The following SMYD3 variants were observed in gnomAD, a reference collection of about 807,000 sequenced individuals.
SMYD3 encodes the protein SET and MYND domain containing 3, also known as histone-lysine N-methyltransferase SMYD3.
SMYD3 carries 36 observed loss-of-function variants against 57.7 expected under a neutral mutation model. The observed-to-expected ratio is 0.62, with a 90% confidence interval of 0.48 to 0.82. SMYD3 has a LOEUF of 0.82. Ranked by LOEUF, SMYD3 falls within the 40% of genes least tolerant of loss-of-function variation. The pLI, the probability that SMYD3 is intolerant of heterozygous loss-of-function variation, is 0.00. For synonymous variants in SMYD3, 211 were observed against 195.0 expected (o/e 1.08, Z -0.68); for missense variants, 515 against 538.8 (o/e 0.96, Z 0.44).
intron 7 of SMYD3, among the ~76,000 whole-genome samples, chr1:245,921,591 T>C (rs1454130989): frequency 3.0e-5 from 4 of 134,134 alleles, no homozygotes; most frequent in Non-Finnish European, 6.4e-5. Flanking sequence ...TGGAATAGTA[T>C]GCAGCCATAA....
At chr1:246,378,847 A>ATATATT (rs538388805) in intron 1 of SMYD3, among the ~76,000 whole-genome samples, 4,719 of 116,502 alleles carry the variant, frequency 0.041, 163 homozygotes, top group Non-Finnish European at 0.063. Flanking sequence ...ATTATATATA[A>ATATATT]TATATTTATA....
At chr1:246,351,742 C>T (rs2065827768) in intron 2 of SMYD3, among the ~76,000 whole-genome samples, 1 of 152,038 alleles carries the variant, frequency 6.6e-6, no homozygotes, top group African/African-American at 2.4e-5. Context: ...GAAGTAGAAG[C>T]GGGGGAAGGA....
intron 10 of SMYD3, among the ~76,000 whole-genome samples, chr1:245,826,049 T>C (rs1267524216): frequency 1.4e-5 from 1 of 72,406 alleles, no homozygotes; most frequent in East Asian, 3.6e-4. Context: ...ATTTGTTAAA[T>C]AAAAATGGAA....
At chr1:246,387,211 A>T (rs570764908) in intron 1 of SMYD3, among the ~76,000 whole-genome samples, 1 of 152,352 alleles carries the variant, frequency 6.6e-6, no homozygotes, top group Admixed American at 6.5e-5. Context: ...GGTATACGGT[A>T]TGAGCTTTAG....
At chr1:245,848,832 T>C (rs1381359697) in intron 10 of SMYD3, among the ~76,000 whole-genome samples, 1 of 152,144 alleles carries the variant, frequency 6.6e-6, no homozygotes, top group East Asian at 1.9e-4. Flanking sequence ...GAAACAGGTA[T>C]CCTTGCTGCA....
chr1:246,371,232 C>T (rs1020487736), intron 1 of SMYD3, among the ~76,000 whole-genome samples: 2 of 152,108 alleles, frequency 1.3e-5, no homozygotes, highest in African/African-American at 2.4e-5. Flanking sequence ...GTAAGTCACT[C>T]GGACAGCTAA....
At chr1:246,353,891 T>C (rs2065871146) in intron 2 of SMYD3, among the ~76,000 whole-genome samples, 1 of 152,210 alleles carries the variant, frequency 6.6e-6, no homozygotes, top group Non-Finnish European at 1.5e-5. Context: ...ACAGTGTGTG[T>C]TTTCCCTGAG....
In SMYD3 at chr1:246,196,048, C is replaced by A. The variant is rs575108579; in HGVS notation, c.531+131153G>T. 2.8e-3 allele frequency among the ~76,000 whole-genome samples: 425 copies of A among 152,114 alleles called. 1 individual carries two copies. The highest frequency in any genetic ancestry group is 8.9e-3 in the African/African-American group (371 of 41,482). On this transcript the variant is annotated intron_variant, in intron 5 of 11. Transcript: ENST00000490107. ...TGTCACTTCTTTATTTAAAAAAAAA[C>A]CTCCCTTTGCAGAAATATCACTGAG...
At chr1:246,269,318 T>A (rs1184645567) in intron 5 of SMYD3, among the ~76,000 whole-genome samples, 2 of 152,190 alleles carry the variant, frequency 1.3e-5, no homozygotes, top group Non-Finnish European at 2.9e-5. Context: ...AAGTTATCAC[T>A]TTATAAGAAT....
At chr1:245,779,591 C>G (rs2046751452) in intron 10 of SMYD3, among the ~76,000 whole-genome samples, 1 of 152,014 alleles carries the variant, frequency 6.6e-6, no homozygotes, top group South Asian at 2.1e-4. Context: ...TCAAATTACT[C>G]AAATTACAAG....
At chr1:246,339,715 A>T (rs2065600908) in intron 2 of SMYD3, among the ~76,000 whole-genome samples, 1 of 152,224 alleles carries the variant, frequency 6.6e-6, no homozygotes, top group Non-Finnish European at 1.5e-5. Flanking sequence ...CGTAATCCCC[A>T]GTGCAACATG....
chr1:245,889,931 T>A (rs1032465205), intron 8 of SMYD3, among the ~76,000 whole-genome samples: 1 of 152,078 alleles, frequency 6.6e-6, no homozygotes, highest in African/African-American at 2.4e-5. Context: ...CAGAATTAAA[T>A]CCATACATCT....
chr1:245,969,817 G>A (rs1469400140), intron 5 of SMYD3, among the ~76,000 whole-genome samples: 2 of 152,138 alleles, frequency 1.3e-5, no homozygotes, highest in South Asian at 2.1e-4. Context: ...TAGCATTAGT[G>A]GCAGATTTTA....
At chr1:245,960,596 G>A (rs1286335777) in intron 5 of SMYD3, among the ~76,000 whole-genome samples, 1 of 152,142 alleles carries the variant, frequency 6.6e-6, no homozygotes, top group African/African-American at 2.4e-5. Flanking sequence ...GTGTGGTAGT[G>A]TGTGCCTATA....
intron 5 of SMYD3, among the ~76,000 whole-genome samples, chr1:245,997,612 T>A (rs1366490360): frequency 1.3e-5 from 2 of 152,304 alleles, no homozygotes. Context: ...GAGGCAGTGC[T>A]GTGCAGGAAA....
At chr1:246,255,979 T>TAGATAGATAGACAGACAGACAGAC (rs1553320462) in intron 5 of SMYD3, among the ~76,000 whole-genome samples, 1 of 147,650 alleles carries the variant, frequency 6.8e-6, no homozygotes, top group South Asian at 2.2e-4. Context: ...GATAGATAGA[T>TAGATAGATAGACAGACAGACAGAC]AGATAGATAC....
intron 1 of SMYD3, among the ~76,000 whole-genome samples, chr1:246,493,985 A>C (rs61658911): frequency 9.9e-5 from 15 of 152,260 alleles, no homozygotes; most frequent in African/African-American, 3.4e-4. Flanking sequence ...TCAGGCCTTC[A>C]TCACTTCACA....
chr1:246,249,857 C>T (rs1780788), intron 5 of SMYD3, among the ~76,000 whole-genome samples: 40,531 of 152,042 alleles, frequency 0.27, 6,097 homozygotes, highest in East Asian at 0.58. Flanking sequence ...TATTTCCCCA[C>T]TGGATAGGTG....
chr1:245,840,688 T>C (rs150222976), intron 10 of SMYD3, among the ~76,000 whole-genome samples: 121 of 151,320 alleles, frequency 8.0e-4, no homozygotes, highest in Non-Finnish European at 1.6e-3. Flanking sequence ...GAAACTTAAA[T>C]CTAAAAATAC....
Sources: allele counts gnomAD v4.1 joint callset (sites outside exome capture counted in the v4.1 genomes callset), GRCh38; gene constraint gnomAD v4.1.1; transcripts MANE v1.5; gene names NCBI Gene and HGNC (gene_info 2026-07-23, HGNC 2026-07-21).